The following SPINK9 variants were observed in gnomAD, a reference collection of about 807,000 sequenced individuals.
SPINK9 encodes the protein serine peptidase inhibitor Kazal type 9, also known as serine protease inhibitor Kazal-type 9.
SPINK9 carries 3 observed loss-of-function variants against 10.8 expected under a neutral mutation model. The ratio of observed to expected loss-of-function variants is 0.28; its 90% CI spans 0.13 to 0.72. The LOEUF (loss-of-function observed/expected upper bound fraction) is 0.72, where lower values mean the gene tolerates loss of function less well. SPINK9 is among the 30% of genes least tolerant of loss of function. The pLI, the probability that SPINK9 is intolerant of heterozygous loss-of-function variation, is 0.74. For missense variants in SPINK9, 101 were observed against 103.2 expected, an observed-to-expected ratio of 0.98 and a Z score of 0.09; for synonymous variants, 30 against 31.2, an observed-to-expected ratio of 0.96 and a Z score of 0.12.
upstream of SPINK9, among the ~76,000 whole-genome samples, chr5:148,331,647 T>A (rs1274089891): frequency 6.6e-6 from 1 of 152,212 alleles, no homozygotes; most frequent in Admixed American, 6.5e-5. Context: ...AAAAAAATGA[T>A]AAGTATTTGA....
intron 2 of SPINK9, among the ~76,000 whole-genome samples, chr5:148,325,459 C>G (rs1757046895): frequency 1.3e-5 from 2 of 152,066 alleles, no homozygotes. Flanking sequence ...TTTATCTTAA[C>G]CATCCTAATG....
chr5:148,322,299 A>G (rs966074468), intron 1 of SPINK9, among the ~76,000 whole-genome samples: 3 of 152,234 alleles, frequency 2.0e-5, no homozygotes, highest in Non-Finnish European at 4.4e-5. Context: ...TGTGTGTGGT[A>G]CACATAGAAA....
chr5:148,323,307 G>C (rs1322062701), intron 1 of SPINK9, among the ~76,000 whole-genome samples: 1 of 152,038 alleles, frequency 6.6e-6, no homozygotes, highest in Non-Finnish European at 1.5e-5. Context: ...TCAAAAACTG[G>C]GATGAATGAA....
At chr5:148,322,160 C>T (rs1052088204) in intron 1 of SPINK9, among the ~76,000 whole-genome samples, 1 of 152,170 alleles carries the variant, frequency 6.6e-6, no homozygotes, top group African/African-American at 2.4e-5. Flanking sequence ...CTATAGTCTA[C>T]AGCCTGTGTA....
chr5:148,321,613 C>G (rs571908679), intron 1 of SPINK9, among the ~76,000 whole-genome samples: 1 of 151,924 alleles, frequency 6.6e-6, no homozygotes, highest in East Asian at 1.9e-4. Context: ...TTATGCCACC[C>G]TGATTTTCAA....
chr5:148,334,262 T>C (rs1442976990), upstream of SPINK9, among the ~76,000 whole-genome samples: 1 of 151,892 alleles, frequency 6.6e-6, no homozygotes, highest in East Asian at 1.9e-4. Context: ...TTGGGGGGGA[T>C]GATTATGATT....
rs755119460 is a variant in SPINK9, at chr5:148,338,465, T to C, written c.88-13T>C. 1.3e-6 allele frequency: 2 copies of C among 1,585,426 alleles called. No individual in the cohort carries two copies. The highest frequency in any genetic ancestry group is 1.7e-6 in the Non-Finnish European group (2 of 1,170,616). On this transcript the variant is annotated splice_polypyrimidine_tract_variant and intron_variant, in intron 2 of 3. Transcript: ENST00000377906. Reference sequence around the variant, plus strand: ...GGTTGAAAGAGTTGAAGGTTTTTAATATGTTTTTTCAGGTTGACTGCAGTC... The same window carrying C: ...GGTTGAAAGAGTTGAAGGTTTTTAACATGTTTTTTCAGGTTGACTGCAGTC...
At chr5:148,334,985 C>T (rs569921485), upstream of SPINK9, among the ~76,000 whole-genome samples, 11 of 152,098 alleles carry the variant, frequency 7.2e-5, no homozygotes, top group African/African-American at 2.4e-4. Context: ...TGATCTTGTC[C>T]CCAGATCATA....
intron 2 of SPINK9, among the ~76,000 whole-genome samples, chr5:148,336,960 ATT>A (rs1757225578): frequency 6.6e-6 from 1 of 152,174 alleles, no homozygotes; most frequent in Non-Finnish European, 1.5e-5. Flanking sequence ...TTGGTACTCA[ATT>A]TGAGTTCCAC....
exon 1 of SPINK9, chr5:148,321,388 A>G (rs1756997925): frequency 6.6e-6 from 1 of 152,226 alleles, no homozygotes; most frequent in African/African-American, 2.4e-5. Flanking sequence ...GATGCGATCA[A>G]CTGGAAGAAA....
At chr5:148,338,890 T>C (rs1251262976) in intron 3 of SPINK9, among the ~76,000 whole-genome samples, 1 of 152,152 alleles carries the variant, frequency 6.6e-6, no homozygotes, top group East Asian at 1.9e-4. Flanking sequence ...AAACTTCCTC[T>C]ACAGAAAAGT....
rs573008888 is a variant in SPINK9 at position 148,326,374 on chromosome 5, A to G, written c.118+2506A>G. 3.6e-3 allele frequency among the ~76,000 whole-genome samples: 541 copies of G among 152,302 alleles called. 1 individual carries two copies. The highest frequency in any genetic ancestry group is 0.012 in the African/African-American group (496 of 41,570). ...TAAAAATTGAATTACCATGCTATCC[A>G]GCAATCCCACTTCTGGGTATACATC... On this transcript the variant is annotated intron_variant, in intron 2 of 4. Transcript: ENST00000511717.
chr5:148,336,141 C>A (rs2113422777), intron 1 of SPINK9, among the ~76,000 whole-genome samples: 1 of 152,248 alleles, frequency 6.6e-6, no homozygotes. Context: ...CTCTACTGAG[C>A]TCTGGTTATG....
At chr5:148,330,604 T>C (rs554709589), upstream of SPINK9, among the ~76,000 whole-genome samples, 5 of 152,228 alleles carry the variant, frequency 3.3e-5, no homozygotes, top group Middle Eastern at 3.2e-3. Context: ...CTAGCCTTGA[T>C]GGTCTTTACA....
chr5:148,330,730 G>C (rs112504382), upstream of SPINK9, among the ~76,000 whole-genome samples: 10,999 of 152,156 alleles, frequency 0.072, 556 homozygotes, highest in Non-Finnish European at 0.12. Flanking sequence ...GCATTTGCTT[G>C]TCTGTAAAGG....
chr5:148,327,231 G>A (rs1301494235), intron 2 of SPINK9, among the ~76,000 whole-genome samples: 4 of 152,176 alleles, frequency 2.6e-5, no homozygotes, highest in Non-Finnish European at 5.9e-5. Context: ...GTATCTCATT[G>A]TGGTTTTGAT....
chr5:148,324,579 C>G (rs2112760), intron 2 of SPINK9, among the ~76,000 whole-genome samples: 51,372 of 151,712 alleles, frequency 0.34, 9,686 homozygotes, highest in African/African-American at 0.52. Flanking sequence ...TATGAGATAT[C>G]AGACAAACTC....
chr5:148,338,042 T>C (rs1220324625), intron 2 of SPINK9, among the ~76,000 whole-genome samples: 1 of 152,114 alleles, frequency 6.6e-6, no homozygotes, highest in Non-Finnish European at 1.5e-5. Flanking sequence ...GTACTAGTCA[T>C]TAAAATGATA....
intron 2 of SPINK9, among the ~76,000 whole-genome samples, chr5:148,325,400 A>G (rs935796004): frequency 6.6e-6 from 1 of 152,144 alleles, no homozygotes; most frequent in African/African-American, 2.4e-5. Context: ...CCAGCGATGT[A>G]TAATGGTTCC....
Sources: allele counts gnomAD v4.1 joint callset (sites outside exome capture counted in the v4.1 genomes callset), GRCh38; gene constraint gnomAD v4.1.1; transcripts MANE v1.5; gene names NCBI Gene and HGNC (gene_info 2026-07-23, HGNC 2026-07-21).